CREB3L2: variants seen among roughly 807,000 people sequenced by gnomAD.
CREB3L2 encodes cyclic AMP-responsive element-binding protein 3-like protein 2.
A neutral mutation model predicts 57.2 loss-of-function variants in CREB3L2; 23 were observed. The observed-to-expected ratio is 0.40, with a 90% CI of 0.29 to 0.57. The LOEUF (loss-of-function observed/expected upper bound fraction) is 0.57. Among genes scored for constraint, CREB3L2 ranks in the 20% least tolerant of loss-of-function variants. The pLI, the probability that CREB3L2 is intolerant of heterozygous loss-of-function variation, is 0.42. For missense variants in CREB3L2, 628 were observed against 634.7 expected (o/e 0.99, Z 0.11); for synonymous variants, 268 against 265.1 (o/e 1.01, Z -0.11).
intron 5 of CREB3L2, 70 bp downstream of exon 5, chr7:137,908,182 C>G: frequency 9.0e-7 from 1 of 1,105,620 alleles, no homozygotes; most frequent in Non-Finnish European, 1.2e-6. Context: ...TGGTCCTGCT[C>G]TGGATACAGC....
intron 5 of CREB3L2, 84 bp downstream of exon 5, chr7:137,908,168 T>G (rs1330120635): frequency 1.0e-6 from 1 of 979,866 alleles, no homozygotes; most frequent in African/African-American, 1.7e-5. Flanking sequence ...CAAACAGCCT[T>G]GAGTGGTCCT....
At chr7:137,927,790 A>AAG (rs1217345943) in intron 2 of CREB3L2, among the ~76,000 whole-genome samples, 2 of 134,300 alleles carry the variant, frequency 1.5e-5, no homozygotes, top group East Asian at 1.9e-4. Flanking sequence ...TTTCTCAGAA[A>AAG]AAAAAAAAAA....
At chr7:137,898,093 G>A (rs1489365529) in intron 8 of CREB3L2, among the ~76,000 whole-genome samples, 1 of 152,010 alleles carries the variant, frequency 6.6e-6, no homozygotes, top group Non-Finnish European at 1.5e-5. Flanking sequence ...TTAAAAAATG[G>A]GCAAAGAATC....
At chr7:137,929,923 A>G (rs1282531827) in intron 1 of CREB3L2, among the ~76,000 whole-genome samples, 1 of 150,386 alleles carries the variant, frequency 6.6e-6, no homozygotes, top group Admixed American at 6.6e-5. Flanking sequence ...TTTGAGACGG[A>G]GTCTTGCTCT....
chr7:137,946,122 C>T lies in CREB3L2; in HGVS notation c.103-17756G>A, dbSNP rs571141772. ...GTAATAGGCTGAAATTCTAAGATGA[C>T]TCCCAAGACTCCTGCTCCCTGCTGT... On this transcript the variant is annotated intron_variant, in intron 1 of 11. Coordinates refer to ENST00000330387, the MANE Select transcript of CREB3L2 (RefSeq NM_194071.4). 9.2e-5 allele frequency among the ~76,000 whole-genome samples: 14 copies of T among 152,300 alleles called. No individual in the cohort carries two copies. The South Asian group carries it at 2.7e-3, about 29-fold the overall frequency.
At position 137,991,029 on chromosome 7, in the gene CREB3L2, A is replaced by G. The variant is rs565646823; in HGVS notation, c.102+10575T>C. Among the ~76,000 whole-genome samples, 4 of 152,330 alleles carry G rather than the reference A, an allele frequency of 2.6e-5. No individual in the cohort carries two copies. The East Asian group carries it at 7.7e-4, about 29-fold the overall frequency. ...TATTTTGTCTGGGTTTCACTTAAAC[A>G]AAGTTTTAAGTCAGAAAACAGAGAC... On this transcript the variant is annotated intron_variant, in intron 1 of 11. Coordinates refer to ENST00000330387, the MANE Select transcript of CREB3L2 (RefSeq NM_194071.4).
intron 8 of CREB3L2, among the ~76,000 whole-genome samples, chr7:137,890,532 G>C (rs1799510466): frequency 6.6e-6 from 1 of 152,172 alleles, no homozygotes; most frequent in Non-Finnish European, 1.5e-5. Flanking sequence ...GTTAAGTTCT[G>C]AGTTTAGGCA....
intron 2 of CREB3L2, among the ~76,000 whole-genome samples, chr7:137,919,555 C>T (rs185243879): frequency 4.4e-4 from 67 of 152,258 alleles, no homozygotes; most frequent in Non-Finnish European, 7.2e-4. Context: ...TGCACTCTGG[C>T]CAGTAATCTT....
intron 8 of CREB3L2, among the ~76,000 whole-genome samples, chr7:137,891,226 T>A (rs1280095936): frequency 6.6e-6 from 1 of 152,192 alleles, no homozygotes; most frequent in Non-Finnish European, 1.5e-5. Flanking sequence ...GCTGTCAGCC[T>A]TGCCCAAAAT....
chr7:137,910,068 T>G (rs2090055747), intron 4 of CREB3L2, among the ~76,000 whole-genome samples: 1 of 152,154 alleles, frequency 6.6e-6, no homozygotes, highest in African/African-American at 2.4e-5. Flanking sequence ...TTGCCCAGTC[T>G]TGGGTACTTT....
At chr7:137,969,725 T>C (rs753603082) in intron 1 of CREB3L2, among the ~76,000 whole-genome samples, 13 of 150,086 alleles carry the variant, frequency 8.7e-5, no homozygotes, top group African/African-American at 1.2e-4. Flanking sequence ...AGAGATGAAA[T>C]GTCATAATGT....
intron 7 of CREB3L2, 90 bp downstream of exon 7, chr7:137,903,869 G>T: frequency 8.9e-7 from 1 of 1,127,510 alleles, no homozygotes; most frequent in South Asian, 1.3e-5. Flanking sequence ...CCAGAAAGAG[G>T]AATTGAACTG....
At chr7:137,986,421 G>A (rs981910544) in intron 1 of CREB3L2, among the ~76,000 whole-genome samples, 5 of 152,202 alleles carry the variant, frequency 3.3e-5, no homozygotes, top group African/African-American at 1.2e-4. Context: ...AGGCTGGAGC[G>A]ACTGCACCCC....
chr7:137,963,021 G>C lies in CREB3L2; in HGVS notation c.103-34655C>G, dbSNP rs893494998. On this transcript the variant is annotated intron_variant, in intron 1 of 11. Transcript: ENST00000330387. ...TCTGACATCCCAGCAGTCCCTCTCA[G>C]CTTTGGGGCCCTTGGATCTTCATGA... Among the ~76,000 whole-genome samples the C allele has an allele frequency of 2.0e-5, 3 of 152,260 alleles. No homozygotes were observed. The South Asian group carries it at 6.2e-4, about 32-fold the overall frequency.
At chr7:137,946,907 T>A (rs1801002126) in intron 1 of CREB3L2, among the ~76,000 whole-genome samples, 1 of 57,614 alleles carries the variant, frequency 1.7e-5, no homozygotes, top group South Asian at 4.7e-4. Flanking sequence ...TAGTTATATA[T>A]ATAGTTATAT....
At chr7:137,891,300 C>T (rs773410541) in intron 8 of CREB3L2, among the ~76,000 whole-genome samples, 1 of 152,172 alleles carries the variant, frequency 6.6e-6, no homozygotes, top group Non-Finnish European at 1.5e-5. Context: ...TCAAAAGAAT[C>T]CAAGAGTGGG....
intron 1 of CREB3L2, among the ~76,000 whole-genome samples, chr7:137,955,059 C>T (rs1020470238): frequency 4.6e-5 from 7 of 152,172 alleles, no homozygotes; most frequent in Non-Finnish European, 7.3e-5. Flanking sequence ...TCTCCCACCA[C>T]GTTAACCTAC....
chr7:137,998,640 T>C (rs1239314185), intron 1 of CREB3L2, among the ~76,000 whole-genome samples: 2 of 152,204 alleles, frequency 1.3e-5, no homozygotes, highest in African/African-American at 4.8e-5. Context: ...TTTTCTTATA[T>C]GTAAAATAAA....
chr7:137,963,559 T>G (rs1010164794), intron 1 of CREB3L2, among the ~76,000 whole-genome samples: 1 of 152,254 alleles, frequency 6.6e-6, no homozygotes, highest in African/African-American at 2.4e-5. Context: ...CACTCTCTGG[T>G]ATCATGATCC....
Sources: gnomAD v4.1 joint callset for allele counts (sites outside exome capture counted in the v4.1 genomes callset) on GRCh38, gnomAD v4.1.1 for gene constraint, MANE v1.5 for transcripts, NCBI Gene and HGNC (gene_info 2026-07-23, HGNC 2026-07-21) for gene names.